GRID2: variants seen among roughly 807,000 people sequenced by gnomAD.
GRID2 encodes the protein glutamate receptor ionotropic, delta-2.
GRID2 carries 33 observed loss-of-function variants against 114.8 expected under a neutral mutation model. The ratio of observed to expected loss-of-function variants is 0.29; its 90% CI spans 0.22 to 0.38. GRID2 has a LOEUF of 0.38. Ranked by LOEUF, GRID2 falls within the 10% of genes least tolerant of loss-of-function variation. GRID2 has a pLI of 1.00. For missense variants in GRID2, 1,184 were observed against 1,257.7 expected (o/e 0.94, Z 0.89); for synonymous variants, 505 against 449.9 (o/e 1.12, Z -1.55).
chr4:92,385,173 CAGTT>C (rs950270500), intron 1 of GRID2, among the ~76,000 whole-genome samples: 84 of 151,706 alleles, frequency 5.5e-4, no homozygotes, highest in South Asian at 1.5e-3. Context: ...TTTTCATAAA[CAGTT>C]AGGATGCACC....
At chr4:92,548,648 C>A (rs1230159391) in intron 1 of GRID2, among the ~76,000 whole-genome samples, 1 of 151,770 alleles carries the variant, frequency 6.6e-6, no homozygotes. Flanking sequence ...CCCACCTCAA[C>A]TTCCCAAAGT....
intron 9 of GRID2, among the ~76,000 whole-genome samples, chr4:93,421,274 C>T (rs1374471786): frequency 6.6e-6 from 1 of 152,116 alleles, no homozygotes; most frequent in African/African-American, 2.4e-5. Context: ...TGAAGCAAGC[C>T]ACTTTGCCTG....
intron 2 of GRID2, among the ~76,000 whole-genome samples, chr4:92,651,562 G>T (rs760569907): frequency 3.8e-4 from 58 of 152,004 alleles, no homozygotes; most frequent in Admixed American, 1.6e-3. Flanking sequence ...ATTCACATGG[G>T]ACTCAAATAT....
At chr4:92,319,856 C>T (rs1008366886) in intron 1 of GRID2, among the ~76,000 whole-genome samples, 2 of 152,172 alleles carry the variant, frequency 1.3e-5, no homozygotes, top group Non-Finnish European at 2.9e-5. Context: ...GGAATAATAA[C>T]AATAGCTCCC....
chr4:93,591,943 C>G (rs13137607), intron 13 of GRID2, among the ~76,000 whole-genome samples: 32,458 of 151,934 alleles, frequency 0.21, 3,953 homozygotes, highest in Middle Eastern at 0.34. Context: ...TGATTCTTTT[C>G]TCTTTTTTTC....
chr4:92,702,758 T>C (rs576807355), intron 2 of GRID2: 1 of 152,188 alleles, frequency 6.6e-6, no homozygotes, highest in Admixed American at 6.5e-5. Flanking sequence ...ATTTTTTTAA[T>C]GTATCACCAT....
chr4:92,443,318 T>G (rs926113251), intron 1 of GRID2, among the ~76,000 whole-genome samples: 1 of 152,112 alleles, frequency 6.6e-6, no homozygotes, highest in Non-Finnish European at 1.5e-5. Flanking sequence ...TGGGGTCAAG[T>G]GGCATTGCAG....
At chr4:92,783,839 A>C (rs1553927121) in intron 2 of GRID2, among the ~76,000 whole-genome samples, 1 of 151,974 alleles carries the variant, frequency 6.6e-6, no homozygotes. Context: ...GTGAGTTATG[A>C]TCATGCTACT....
chr4:92,739,070 A>C (rs917987025), intron 2 of GRID2, among the ~76,000 whole-genome samples: 3 of 152,184 alleles, frequency 2.0e-5, no homozygotes, highest in Admixed American at 6.5e-5. Flanking sequence ...AGTAGCAAAT[A>C]CTCACTCCTA....
chr4:92,803,849 C>G (rs1374160233), intron 2 of GRID2, among the ~76,000 whole-genome samples: 1 of 151,994 alleles, frequency 6.6e-6, no homozygotes, highest in Admixed American at 6.6e-5. Context: ...AGACTTTATT[C>G]TCTCTCAGTT....
intron 1 of GRID2, among the ~76,000 whole-genome samples, chr4:92,339,688 A>G (rs566431161): frequency 6.6e-6 from 1 of 152,290 alleles, no homozygotes; most frequent in South Asian, 2.1e-4. Flanking sequence ...GAAGTATACT[A>G]ATTTCCCCAA....
At chr4:92,857,764 A>G (rs190669217) in intron 2 of GRID2, among the ~76,000 whole-genome samples, 116 of 152,328 alleles carry the variant, frequency 7.6e-4, no homozygotes, top group East Asian at 4.2e-3. Flanking sequence ...CAGATTTCCA[A>G]TGTAGATAGG....
At chr4:92,855,932 G>T (rs917776258) in intron 2 of GRID2, among the ~76,000 whole-genome samples, 1 of 151,944 alleles carries the variant, frequency 6.6e-6, no homozygotes, top group African/African-American at 2.4e-5. Context: ...CTACTTGAAG[G>T]TTGCATCATG....
intron 1 of GRID2, among the ~76,000 whole-genome samples, chr4:92,501,312 T>G (rs544245510): frequency 6.6e-6 from 1 of 152,330 alleles, no homozygotes; most frequent in Non-Finnish European, 1.5e-5. Context: ...GGGCTCATTT[T>G]ACCAGCAATT....
chr4:92,403,832 A>G (rs1212230060), intron 1 of GRID2, among the ~76,000 whole-genome samples: 1 of 152,154 alleles, frequency 6.6e-6, no homozygotes, highest in African/African-American at 2.4e-5. Context: ...GCTAAAATAG[A>G]TAATAGGGAG....
At chr4:93,553,757 G>C (rs9991666) in intron 13 of GRID2, among the ~76,000 whole-genome samples, 82,759 of 151,942 alleles carry the variant, frequency 0.54, 23,081 homozygotes, top group African/African-American at 0.6. Context: ...GTACATTTAT[G>C]AGAAAAAGAA....
chr4:92,525,231 C>A, intron 1 of GRID2, among the ~76,000 whole-genome samples: 1 of 150,392 alleles, frequency 6.6e-6, no homozygotes, highest in South Asian at 2.1e-4. Context: ...GAGAATAGGA[C>A]ATTTGAATAT....
chr4:93,232,705 C>A (rs2149503478), intron 7 of GRID2, among the ~76,000 whole-genome samples: 1 of 151,478 alleles, frequency 6.6e-6, no homozygotes, highest in South Asian at 2.1e-4. Flanking sequence ...ATTTAAGTAC[C>A]AGTACATTTT....
At chr4:92,733,406 G>T (rs1039652910) in intron 2 of GRID2, among the ~76,000 whole-genome samples, 9 of 152,060 alleles carry the variant, frequency 5.9e-5, no homozygotes, top group African/African-American at 2.2e-4. Flanking sequence ...TCCAGGAAAT[G>T]CTGTCTATTC....
Sources: allele counts gnomAD v4.1 joint callset (sites outside exome capture counted in the v4.1 genomes callset), GRCh38; gene constraint gnomAD v4.1.1; transcripts MANE v1.5; gene names NCBI Gene and HGNC (gene_info 2026-07-23, HGNC 2026-07-21).